SMURF2: variants seen among roughly 807,000 people sequenced by gnomAD.
SMURF2 encodes the protein SMAD specific E3 ubiquitin protein ligase 2, also known as E3 ubiquitin-protein ligase SMURF2.
A neutral mutation model predicts 109.6 loss-of-function variants in SMURF2; 48 were observed. The observed-to-expected ratio is 0.44, with a 90% CI of 0.35 to 0.56. SMURF2 has a LOEUF of 0.56. Ranked by LOEUF, SMURF2 falls within the 20% of genes least tolerant of loss-of-function variation. The pLI is 0.01. For missense variants in SMURF2, 575 were observed against 909.0 expected (o/e 0.63, Z 4.72); for synonymous variants, 288 against 317.1 (o/e 0.91, Z 0.97).
chr17:64,587,047 G>C (rs1266499946), intron 5 of SMURF2, among the ~76,000 whole-genome samples: 2 of 151,936 alleles, frequency 1.3e-5, no homozygotes, highest in Non-Finnish European at 2.9e-5. Context: ...CGTGGTGCGT[G>C]CACCTGCAGT....
intron 4 of SMURF2, among the ~76,000 whole-genome samples, chr17:64,592,372 T>C (rs1969762424): frequency 6.6e-6 from 1 of 152,242 alleles, no homozygotes; most frequent in South Asian, 2.1e-4. Context: ...TTTTCTCTAC[T>C]GTTGGTTACC....
chr17:64,633,187 TTGAGCCCAGGAGGCCGAGGCTGCAG>T (rs1970372478), intron 1 of SMURF2, among the ~76,000 whole-genome samples: 1 of 152,180 alleles, frequency 6.6e-6, no homozygotes. Context: ...GGAGGATGGC[TTGAGCCCAGGAGGCCGAGGCTGCAG>T]TGAGCCATGA....
At chr17:64,582,951 T>C (rs1427514378) in intron 7 of SMURF2, among the ~76,000 whole-genome samples, 1 of 151,184 alleles carries the variant, frequency 6.6e-6, no homozygotes, top group African/African-American at 2.4e-5. Context: ...CAGGTTAGAG[T>C]GCACGGGCAC....
chr17:64,630,626 G>A lies in SMURF2; in HGVS notation c.53-23986C>T, dbSNP rs1257474169. On this transcript the variant is annotated intron_variant, in intron 1 of 18. Transcript: ENST00000262435. ...AACTACTGGGGGCAAGGGGACAAAT[G>A]ACAGTCCACCCAGAGTTGAAACAAT... Among the ~76,000 whole-genome samples, 5 of 152,272 alleles carry A rather than the reference G, an allele frequency of 3.3e-5. No homozygotes were observed. The East Asian group carries it at 7.7e-4, about 24-fold the overall frequency.
intron 1 of SMURF2, among the ~76,000 whole-genome samples, chr17:64,617,375 G>A (rs1259939147): frequency 6.6e-6 from 1 of 152,102 alleles, no homozygotes; most frequent in African/African-American, 2.4e-5. Flanking sequence ...AATCTAATTA[G>A]TATGTTTGAT....
intron 1 of SMURF2, among the ~76,000 whole-genome samples, chr17:64,614,453 T>C (rs1188699113): frequency 6.6e-6 from 1 of 152,164 alleles, no homozygotes; most frequent in Admixed American, 6.5e-5. Flanking sequence ...AAACAGCCCA[T>C]ATATTTGTAC....
intron 2 of SMURF2, among the ~76,000 whole-genome samples, chr17:64,600,078 A>G (rs1301453147): frequency 1.3e-5 from 2 of 152,138 alleles, no homozygotes; most frequent in Non-Finnish European, 2.9e-5. Context: ...ATATTTTTCT[A>G]TCAGTGGTAT....
At chr17:64,556,146 G>C (rs1969117115) in intron 13 of SMURF2, 148 bp from the exon 14 acceptor site, 1 of 573,086 alleles carries the variant, frequency 1.7e-6, no homozygotes, top group Admixed American at 3.2e-5. Flanking sequence ...TTTCTCTAGG[G>C]CATGCTCCAG....
chr17:64,573,918 G>A (rs1448493224), intron 9 of SMURF2, among the ~76,000 whole-genome samples: 2 of 152,148 alleles, frequency 1.3e-5, no homozygotes, highest in Non-Finnish European at 1.5e-5. Context: ...ATAAGTAGGA[G>A]CTAAATGATG....
In SMURF2 at chr17:64,617,549, C is replaced by T. The variant is rs116299116; in HGVS notation, c.53-10909G>A. 2.0e-3 allele frequency among the ~76,000 whole-genome samples: 302 copies of T among 152,192 alleles called. 1 individual carries two copies. The highest frequency in any genetic ancestry group is 7.0e-3 in the African/African-American group (292 of 41,512). On this transcript the variant is annotated intron_variant, in intron 1 of 18. Transcript: ENST00000262435. ...AGGCTGGAATGGAGTGGCGCAAACA[C>T]GACTCACTGCAGACTCCAGTTAAAT...
rs1052144163 is a variant in SMURF2, at chr17:64,544,956, C to T, written c.*892G>A. The T allele has an allele frequency of 6.6e-6, 1 of 152,330 alleles. No individual in the cohort carries two copies. Among genetic ancestry groups the T allele is most frequent in the African/African-American group, 2.4e-5 (1 of 41,364 alleles). 9.4% of individuals were successfully genotyped at this position (152,330 alleles called of 1,614,324 possible). ...AAGATAAGCTGACCCAGCAAAATAA[C>T]GAAAATCCCATCCCATCCACATGCT... On this transcript the variant is annotated 3_prime_UTR_variant, in exon 19 of 19. Transcript: ENST00000262435.
chr17:64,577,596 AAAAG>A (rs1231347665), intron 9 of SMURF2, among the ~76,000 whole-genome samples: 3 of 151,494 alleles, frequency 2.0e-5, no homozygotes, highest in Non-Finnish European at 4.4e-5. Flanking sequence ...TAAAAAAAAA[AAAAG>A]AGAGAGAGAG....
At chr17:64,550,917 G>A (rs1221540312) in intron 16 of SMURF2, among the ~76,000 whole-genome samples, 1 of 152,128 alleles carries the variant, frequency 6.6e-6, no homozygotes, top group Non-Finnish European at 1.5e-5. Flanking sequence ...CAAAATGGTA[G>A]ATTAATGAGG....
intron 11 of SMURF2, among the ~76,000 whole-genome samples, chr17:64,562,435 A>T (rs534503005): frequency 6.7e-6 from 1 of 149,548 alleles, no homozygotes; most frequent in Admixed American, 6.7e-5. Context: ...GCTGGAGTAC[A>T]ATGGTACAAT....
chr17:64,655,100 G>A (rs74810786), intron 1 of SMURF2, among the ~76,000 whole-genome samples: 1 of 151,754 alleles, frequency 6.6e-6, no homozygotes, highest in African/African-American at 2.4e-5. Flanking sequence ...TCAAACACAG[G>A]AAGAAAATTA....
chr17:64,550,772 AAAAAAG>A (rs2144588234), intron 16 of SMURF2, among the ~76,000 whole-genome samples: 1 of 151,694 alleles, frequency 6.6e-6, no homozygotes, highest in East Asian at 1.9e-4. Context: ...AAAAAAAAAA[AAAAAAG>A]AGAGAGACAT....
intron 16 of SMURF2, among the ~76,000 whole-genome samples, chr17:64,549,817 G>T (rs782797373): frequency 6.6e-6 from 1 of 152,058 alleles, no homozygotes; most frequent in African/African-American, 2.4e-5. Flanking sequence ...ATTAGCAGTA[G>T]AAACTATATT....
At chr17:64,650,137 T>C (rs1481075771) in intron 1 of SMURF2, among the ~76,000 whole-genome samples, 1 of 152,020 alleles carries the variant, frequency 6.6e-6, no homozygotes, top group Non-Finnish European at 1.5e-5. Flanking sequence ...TACAAAAAAC[T>C]TTACACCTTG....
chr17:64,630,241 G>GA (rs1236340767), intron 1 of SMURF2, among the ~76,000 whole-genome samples: 47 of 141,976 alleles, frequency 3.3e-4, no homozygotes, highest in African/African-American at 5.9e-4. Flanking sequence ...GTCTCAGAAA[G>GA]AAAAAAAAAA....
Sources: gnomAD v4.1 joint callset for allele counts (sites outside exome capture counted in the v4.1 genomes callset) on GRCh38, gnomAD v4.1.1 for gene constraint, MANE v1.5 for transcripts, NCBI Gene and HGNC (gene_info 2026-07-23, HGNC 2026-07-21) for gene names.